The following ADAM32 variants were observed in gnomAD, a reference collection of about 807,000 sequenced individuals.
ADAM32 encodes the protein ADAM metallopeptidase domain 32, also known as disintegrin and metalloproteinase domain-containing protein 32.
In ADAM32, 89 loss-of-function variants were observed where a neutral mutation model predicts 114.9. The ratio of observed to expected loss-of-function variants is 0.77; its 90% CI spans 0.65 to 0.92. The LOEUF (loss-of-function observed/expected upper bound fraction) is 0.92. Among genes scored for constraint, ADAM32 ranks in the 40% least tolerant of loss-of-function variants. The pLI, the probability that ADAM32 is intolerant of heterozygous loss-of-function variation, is 0.00. For missense variants in ADAM32, 870 were observed against 932.8 expected, an observed-to-expected ratio of 0.93 and a Z score of 0.88; for synonymous variants, 285 against 307.5, an observed-to-expected ratio of 0.93 and a Z score of 0.77.
intron 21 of ADAM32, among the ~76,000 whole-genome samples, chr8:39,275,313 C>T (rs1338986876): frequency 6.6e-6 from 1 of 152,204 alleles, no homozygotes; most frequent in African/African-American, 2.4e-5. Context: ...TCAATTCTCT[C>T]TCTCTCTGTT....
At chr8:39,160,399 G>T (rs1161640629) in intron 6 of ADAM32, among the ~76,000 whole-genome samples, 1 of 152,080 alleles carries the variant, frequency 6.6e-6, no homozygotes, top group Non-Finnish European at 1.5e-5. Context: ...AATTAGCCCG[G>T]CGTGGTGGCA....
intron 19 of ADAM32, among the ~76,000 whole-genome samples, chr8:39,263,324 C>T (rs1812158625): frequency 2.0e-5 from 3 of 152,134 alleles, no homozygotes; most frequent in African/African-American, 4.8e-5. Flanking sequence ...CTAATCAATT[C>T]ATTTTTTATC....
intron 16 of ADAM32, among the ~76,000 whole-genome samples, chr8:39,236,377 G>A (rs1329785751): frequency 6.6e-6 from 1 of 151,826 alleles, no homozygotes; most frequent in Non-Finnish European, 1.5e-5. Context: ...TAGATTTCAT[G>A]GTGTTATAAT....
chr8:39,165,213 A>G lies in ADAM32; in HGVS notation c.833+17A>G. On this transcript the variant is annotated intron_variant, in intron 9 of 24. Coordinates refer to ENST00000379907, the MANE Select transcript of ADAM32 (RefSeq NM_145004.7). ...TCTACTAATGTAAGAATAATGTTTCATTATTCCTAGAAAGAAAACAAAGAC... is the reference window on the plus strand; with the variant it reads ...TCTACTAATGTAAGAATAATGTTTCGTTATTCCTAGAAAGAAAACAAAGAC... 1 of 1,445,746 alleles carries G rather than the reference A, an allele frequency of 6.9e-7. No homozygotes were observed. Among genetic ancestry groups the G allele is most frequent in the Non-Finnish European group, 9.3e-7 (1 of 1,076,982 alleles). 89.6% of individuals were successfully genotyped at this position (1,445,746 alleles called of 1,614,324 possible).
chr8:39,172,070 GAAAT>G (rs1222972843), intron 10 of ADAM32, among the ~76,000 whole-genome samples: 1 of 150,434 alleles, frequency 6.6e-6, no homozygotes, highest in Non-Finnish European at 1.5e-5. Context: ...ATTGAATAAA[GAAAT>G]AAATATTTCT....
intron 20 of ADAM32, among the ~76,000 whole-genome samples, chr8:39,272,893 A>G (rs1322458804): frequency 6.6e-6 from 1 of 152,164 alleles, no homozygotes; most frequent in Non-Finnish European, 1.5e-5. Context: ...AAACAAACAC[A>G]TTGTACAAAT....
chr8:39,231,917 T>G, intron 14 of ADAM32, 110 bp from the exon 15 acceptor site: 1 of 886,424 alleles, frequency 1.1e-6, no homozygotes, highest in Non-Finnish European at 1.8e-6. Flanking sequence ...CTAGGAAAAA[T>G]GTTTCAATTA....
In ADAM32 at chr8:39,165,084, G is replaced by T; in HGVS notation, c.721G>T (p.Asp241Tyr). 6.2e-7 allele frequency: 1 copy of T among 1,609,710 alleles called. No homozygotes were observed. Among genetic ancestry groups the T allele is most frequent in the Non-Finnish European group, 8.5e-7 (1 of 1,177,992 alleles). ...IVLSSLELWS[D>Y]ENKISTVGEA... ...GCTGTCATCATTGGAGTTATGGTCA[G>T]ATGAAAATAAGATTTCTACAGTTGG... Residue 241 changes from aspartate to tyrosine, a missense_variant, in exon 9 of 25, where the codon GAT becomes TAT. Coordinates refer to ENST00000379907, the MANE Select transcript of ADAM32 (RefSeq NM_145004.7).
At chr8:39,235,473 A>T (rs1810064502) in intron 16 of ADAM32, among the ~76,000 whole-genome samples, 1 of 152,144 alleles carries the variant, frequency 6.6e-6, no homozygotes, top group Admixed American at 6.5e-5. Context: ...TGGGCCAGGG[A>T]GCTCAGTGGA....
At chr8:39,107,700 G>C, upstream of ADAM32, 4 of 1,546,664 alleles carry the variant, frequency 2.6e-6, no homozygotes, top group South Asian at 4.8e-5. Flanking sequence ...GCGGCCCCCG[G>C]CGTCCGCGCG....
chr8:39,235,466 G>T (rs774224023), intron 16 of ADAM32, among the ~76,000 whole-genome samples: 68 of 151,988 alleles, frequency 4.5e-4, no homozygotes, highest in Non-Finnish European at 6.6e-4. Flanking sequence ...GGAGGTTTGG[G>T]CCAGGGAGCT....
intron 19 of ADAM32, among the ~76,000 whole-genome samples, chr8:39,262,769 G>A (rs1180779513): frequency 1.3e-5 from 2 of 151,734 alleles, no homozygotes; most frequent in African/African-American, 2.4e-5. Flanking sequence ...GTGCAGTAGT[G>A]TTTTAGGCTC....
At position 39,275,991 on chromosome 8, in the gene ADAM32, T is replaced by C. The variant is rs562909070; in HGVS notation, c.2279+125T>C. The C allele has an allele frequency of 1.0e-4, 84 of 839,814 alleles. 1 individual carries two copies. The East Asian group carries it at 2.4e-3, about 24-fold the overall frequency. 52.0% of individuals were successfully genotyped at this position (839,814 alleles called of 1,614,324 possible). A position where few individuals can be genotyped will look rare whatever the true frequency, so the allele number is the denominator to read the frequency against. On this transcript the variant is annotated intron_variant, in intron 22 of 24. Coordinates refer to ENST00000379907, the MANE Select transcript of ADAM32 (RefSeq NM_145004.7). ...AGTAGCCACAATTAGTAAAGTACTG[T>C]ACCTTAAAACAACCTATTTGCTGAT...
intron 11 of ADAM32, among the ~76,000 whole-genome samples, chr8:39,204,647 A>G (rs1442394088): frequency 1.3e-5 from 2 of 152,124 alleles, no homozygotes; most frequent in African/African-American, 4.8e-5. Flanking sequence ...CATTCTCCAT[A>G]CAGCTTTGTT....
chr8:39,149,240 C>A (rs1803680984), intron 4 of ADAM32, among the ~76,000 whole-genome samples: 1 of 151,994 alleles, frequency 6.6e-6, no homozygotes, highest in Admixed American at 6.6e-5. Context: ...TAAGTGAATG[C>A]CAATTTGGAA....
In ADAM32 at chr8:39,169,955, TG is replaced by T; in HGVS notation, c.875del (p.Gly292GlufsTer19). On this transcript the variant is annotated frameshift_variant, in exon 10 of 25. Transcript: ENST00000379907. LOFTEE classifies it high-confidence loss of function. ...YPRYLGAVFP[G>X]TMCITRYSAG... The stretch of plus-strand genomic sequence containing the variant: ...CTCGTTATTTGGGAGCAGTGTTTCC[TG>T]GAACAATGTGTATTACTCGTTATTC... 1 of 1,602,036 alleles carries T rather than the reference TG, an allele frequency of 6.2e-7. No individual in the cohort carries two copies. Among genetic ancestry groups the T allele is most frequent in the Non-Finnish European group, 8.5e-7 (1 of 1,172,270 alleles).
At position 39,185,923 on chromosome 8, in the gene ADAM32, G is replaced by A. The variant is rs557473856; in HGVS notation, c.916-986G>A. On this transcript the variant is annotated intron_variant, in intron 10 of 24. Coordinates refer to ENST00000379907, the MANE Select transcript of ADAM32 (RefSeq NM_145004.7). Reference sequence around the variant, plus strand: ...TGCAGGGGCTCTCTCATTGTTTGGAGAGGGCTTCCTCTGCTGGCAAGGGAA... The same window carrying A: ...TGCAGGGGCTCTCTCATTGTTTGGAAAGGGCTTCCTCTGCTGGCAAGGGAA... 4.6e-5 allele frequency among the ~76,000 whole-genome samples: 7 copies of A among 151,476 alleles called. No homozygotes were observed. In the East Asian group the frequency reaches 1.4e-3, roughly 29 times the overall value.
chr8:39,243,226 T>C (rs1009677838), intron 16 of ADAM32, among the ~76,000 whole-genome samples: 5 of 152,102 alleles, frequency 3.3e-5, no homozygotes, highest in African/African-American at 1.2e-4. Context: ...CTGGTACCAA[T>C]CCTACTGAAA....
chr8:39,107,654 G>A, upstream of ADAM32: 1 of 1,508,158 alleles, frequency 6.6e-7, no homozygotes, highest in Admixed American at 2.2e-5. Context: ...CGTCTCCGGG[G>A]CCTCCGGAGA....
Sources: gnomAD v4.1 joint callset for allele counts (sites outside exome capture counted in the v4.1 genomes callset) on GRCh38, gnomAD v4.1.1 for gene constraint, MANE v1.5 for transcripts, NCBI Gene and HGNC (gene_info 2026-07-23, HGNC 2026-07-21) for gene names.